Variants in COMMD1 observed in about 807,000 individuals in gnomAD.
COMMD1 encodes COMM domain-containing protein 1.
Under a neutral mutation model 17.2 loss-of-function variants are expected in COMMD1, and 10 were observed. That is an observed-to-expected ratio of 0.58 (90% CI 0.36 to 0.99). The LOEUF (loss-of-function observed/expected upper bound fraction) is 0.99. COMMD1 is among the 50% of genes least tolerant of loss of function. The probability of loss-of-function intolerance (pLI) is 0.01; values close to 1 mark genes in which losing one functional copy is unlikely to be tolerated. For missense variants in COMMD1, 270 were observed against 231.8 expected (o/e 1.17, Z -1.07); for synonymous variants, 97 against 91.6 (o/e 1.06, Z -0.34).
chr2:61,963,291 G>A (rs751378167), intron 1 of COMMD1, among the ~76,000 whole-genome samples: 13 of 151,276 alleles, frequency 8.6e-5, no homozygotes, highest in Non-Finnish European at 1.5e-4. Flanking sequence ...AGTTCTATGT[G>A]TTGTTCCACC....
At chr2:61,946,856 C>G (rs910283706) in intron 1 of COMMD1, among the ~76,000 whole-genome samples, 2 of 152,138 alleles carry the variant, frequency 1.3e-5, no homozygotes, top group African/African-American at 4.8e-5. Context: ...TTTCAACAAC[C>G]TCTTAAACAA....
At chr2:61,998,315 A>G (rs1668824477) in intron 1 of COMMD1, among the ~76,000 whole-genome samples, 1 of 147,418 alleles carries the variant, frequency 6.8e-6, no homozygotes, top group African/African-American at 2.5e-5. Context: ...CTGGAAGTGC[A>G]GTCGTACTAT....
At chr2:61,974,301 A>G (rs1332391764) in intron 1 of COMMD1, among the ~76,000 whole-genome samples, 1 of 151,980 alleles carries the variant, frequency 6.6e-6, no homozygotes, top group Non-Finnish European at 1.5e-5. Context: ...AGTTTATATG[A>G]TGGAATTATA....
chr2:61,914,690 G>C (rs1219945832), intron 1 of COMMD1, among the ~76,000 whole-genome samples: 2 of 151,856 alleles, frequency 1.3e-5, no homozygotes, highest in Non-Finnish European at 2.9e-5. Flanking sequence ...GTTTTCTGGG[G>C]TTTTTTGTTT....
intron 2 of COMMD1, among the ~76,000 whole-genome samples, chr2:62,129,858 A>G (rs1336838575): frequency 6.6e-6 from 1 of 152,180 alleles, no homozygotes; most frequent in East Asian, 1.9e-4. Flanking sequence ...GATAGGCTTT[A>G]TGGCCAAAGT....
chr2:61,944,307 C>G (rs550291760), intron 1 of COMMD1, among the ~76,000 whole-genome samples: 1 of 152,038 alleles, frequency 6.6e-6, no homozygotes, highest in South Asian at 2.1e-4. Flanking sequence ...CAAAAATGAG[C>G]TGGGTATGGT....
At chr2:61,997,778 T>C (rs1668805913) in intron 1 of COMMD1, among the ~76,000 whole-genome samples, 1 of 152,190 alleles carries the variant, frequency 6.6e-6, no homozygotes, top group South Asian at 2.1e-4. Flanking sequence ...CGTTAGCCCC[T>C]AACAAGAGAG....
chr2:61,943,797 T>G (rs1342891230), intron 1 of COMMD1, among the ~76,000 whole-genome samples: 1 of 152,128 alleles, frequency 6.6e-6, no homozygotes, highest in Non-Finnish European at 1.5e-5. Context: ...ATCCCGCCAT[T>G]GCACTCCAGC....
chr2:62,041,898 G>A (rs1441789395), intron 2 of COMMD1, among the ~76,000 whole-genome samples: 2 of 152,234 alleles, frequency 1.3e-5, no homozygotes, highest in African/African-American at 4.8e-5. Context: ...GACCCAAAGA[G>A]TGAGCAGCAG....
At chr2:61,975,129 T>C (rs1339123759) in intron 1 of COMMD1, among the ~76,000 whole-genome samples, 3 of 147,278 alleles carry the variant, frequency 2.0e-5, no homozygotes, top group Admixed American at 1.4e-4. Flanking sequence ...TTTTTTTTTT[T>C]TTTTTTTTTT....
intron 1 of COMMD1, among the ~76,000 whole-genome samples, chr2:61,960,312 C>T (rs1266797091): frequency 6.6e-6 from 1 of 152,136 alleles, no homozygotes; most frequent in Non-Finnish European, 1.5e-5. Context: ...CTGGAAGGAG[C>T]AGTCTTTCTG....
At chr2:62,027,928 C>T (rs762575132) in intron 2 of COMMD1, among the ~76,000 whole-genome samples, 21 of 152,126 alleles carry the variant, frequency 1.4e-4, no homozygotes, top group Non-Finnish European at 2.8e-4. Context: ...GCTGGAATTA[C>T]AGCCATAAGC....
At chr2:62,107,474 C>G (rs1672349162) in intron 2 of COMMD1, among the ~76,000 whole-genome samples, 1 of 152,184 alleles carries the variant, frequency 6.6e-6, no homozygotes, top group Non-Finnish European at 1.5e-5. Flanking sequence ...GCTGTTGTAC[C>G]TGGTTGAAGA....
rs1296972156 is a variant in COMMD1, at chr2:62,001,110, C to T, written c.462+128C>T. 4 of 954,836 alleles carry T rather than the reference C, an allele frequency of 4.2e-6. No homozygotes were observed. The African/African-American group carries it at 6.5e-5, about 16-fold the overall frequency. The allele number at this position is 954,836 out of a possible 1,614,324, so 59.1% of individuals were successfully genotyped here. On this transcript the variant is annotated intron_variant, in intron 2 of 2. Transcript: ENST00000311832. ...GACACTGTTTCCTAGAATCCTTTTT[C>T]AGAGGTAGAATCATCTGAAAATTTG... is the stretch of plus-strand genomic sequence containing the variant.
At chr2:61,920,977 A>ATTT (rs1176214560) in intron 1 of COMMD1, among the ~76,000 whole-genome samples, 2 of 135,486 alleles carry the variant, frequency 1.5e-5, no homozygotes, top group African/African-American at 5.8e-5. Flanking sequence ...ATATATATAT[A>ATTT]TATATTTTTT....
In COMMD1 at chr2:62,022,448, CTTTTTTTTTT is replaced by C. The variant is rs747830662; in HGVS notation, c.462+21479_462+21488del. On this transcript the variant is annotated intron_variant, in intron 2 of 2. Coordinates refer to ENST00000311832, the MANE Select transcript of COMMD1 (RefSeq NM_152516.4). ...CTTCTAATATTATTTACCGGCGCTT[CTTTTTTTTTT>C]TTTTTTTTTTTTACATGAAGCCGAG... Among the ~76,000 whole-genome samples the C allele has an allele frequency of 2.7e-3, 228 of 84,958 alleles. 2 individuals carry two copies. The highest frequency in any genetic ancestry group is 7.5e-3 in the African/African-American group (180 of 24,048). The allele number at this position is 84,958 out of a possible 152,430, so 55.7% of individuals were successfully genotyped here.
intron 2 of COMMD1, among the ~76,000 whole-genome samples, chr2:62,098,446 A>C (rs886486306): frequency 8.3e-5 from 5 of 60,054 alleles, no homozygotes; most frequent in Non-Finnish European, 1.3e-4. Flanking sequence ...CAGCTAGGTC[A>C]GCTAGGGTTG....
chr2:61,928,584 C>A, intron 1 of COMMD1: 1 of 152,154 alleles, frequency 6.6e-6, no homozygotes, highest in East Asian at 1.9e-4. Flanking sequence ...GGACATGCTA[C>A]CCCAAAATGT....
At chr2:61,990,998 G>A (rs577487979) in intron 1 of COMMD1, among the ~76,000 whole-genome samples, 26 of 151,742 alleles carry the variant, frequency 1.7e-4, no homozygotes, top group African/African-American at 5.8e-4. Context: ...GACTGAGGTG[G>A]AAGGATTGCT....
Sources: gnomAD v4.1 joint callset for allele counts (sites outside exome capture counted in the v4.1 genomes callset) on GRCh38, gnomAD v4.1.1 for gene constraint, MANE v1.5 for transcripts, NCBI Gene and HGNC (gene_info 2026-07-23, HGNC 2026-07-21) for gene names.